LRRC2: variants seen among roughly 807,000 people sequenced by gnomAD.
The protein encoded by LRRC2 is leucine rich repeat containing 2.
A neutral mutation model predicts 40.2 loss-of-function variants in LRRC2; 27 were observed. The observed-to-expected ratio is 0.67, with a 90% CI of 0.49 to 0.93. LRRC2 has a LOEUF of 0.93. Among genes scored for constraint, LRRC2 ranks in the 40% least tolerant of loss-of-function variants. LRRC2 has a pLI of 0.00. For synonymous variants in LRRC2, 147 were observed against 158.9 expected (o/e 0.92, Z 0.56); for missense variants, 402 against 439.6 (o/e 0.91, Z 0.76).
rs1227105281 is a variant in LRRC2 at position 46,515,666 on chromosome 3, TC to T, written c.*3347del. 1 of 152,184 alleles carries T rather than the reference TC, an allele frequency of 6.6e-6. No homozygotes were observed. Among genetic ancestry groups the T allele is most frequent in the Non-Finnish European group, 1.5e-5 (1 of 68,030 alleles). 9.4% of individuals were successfully genotyped at this position (152,184 alleles called of 1,614,324 possible). A position where few individuals can be genotyped will look rare whatever the true frequency, so the allele number is the denominator to read the frequency against. On this transcript the variant is annotated 3_prime_UTR_variant, in exon 9 of 9. Transcript: ENST00000395905. ...ATTATATATCAATGCAGTATTTTTTTCATATGTGACAGTGAAACAAGGTTTT... is the reference window on the plus strand; with the variant it reads ...ATTATATATCAATGCAGTATTTTTTTATATGTGACAGTGAAACAAGGTTTT...
chr3:46,540,164 T>G (rs1704355217), intron 3 of LRRC2, among the ~76,000 whole-genome samples: 1 of 152,242 alleles, frequency 6.6e-6, no homozygotes, highest in South Asian at 2.1e-4. Flanking sequence ...CTCCTGTGTG[T>G]GGGTTAAGCT....
chr3:46,538,643 GA>G (rs1012622007), intron 4 of LRRC2, among the ~76,000 whole-genome samples: 5 of 149,134 alleles, frequency 3.4e-5, no homozygotes, highest in Admixed American at 6.6e-5. Flanking sequence ...TCAAGGAAAA[GA>G]AAAAAAAAGA....
At chr3:46,529,126 A>G (rs1168286862) in intron 6 of LRRC2, among the ~76,000 whole-genome samples, 1 of 152,156 alleles carries the variant, frequency 6.6e-6, no homozygotes, top group Non-Finnish European at 1.5e-5. Context: ...AAAAAAAAAA[A>G]AAAATTGTAG....
chr3:46,564,866 A>C (rs1705025213), intron 1 of LRRC2, among the ~76,000 whole-genome samples: 2 of 152,144 alleles, frequency 1.3e-5, no homozygotes, highest in Non-Finnish European at 2.9e-5. Context: ...CAAGAGAACC[A>C]CTGTAACCCA....
chr3:46,525,086 CTT>C (rs11284933), intron 7 of LRRC2, among the ~76,000 whole-genome samples: 74 of 117,570 alleles, frequency 6.3e-4, no homozygotes, highest in East Asian at 1.2e-3. Context: ...CTTTTTTTTT[CTT>C]TTTTTTTTTT....
intron 6 of LRRC2, among the ~76,000 whole-genome samples, chr3:46,527,947 T>G (rs1385628091): frequency 3.3e-5 from 5 of 152,140 alleles, no homozygotes; most frequent in Non-Finnish European, 5.9e-5. Context: ...CAGGCTGGTC[T>G]TGAACTCCTG....
chr3:46,551,808 G>A lies in LRRC2; in HGVS notation c.-19-198C>T, dbSNP rs1260171915. On this transcript the variant is annotated intron_variant, in intron 1 of 8. Coordinates refer to ENST00000395905, the MANE Select transcript of LRRC2 (RefSeq NM_024512.5). ...TGGCTGGTTGGGTTTTGTTTGTCTT[G>A]TTTTTATTGAGACAGAGTCTCACTC... 1.6e-4 allele frequency among the ~76,000 whole-genome samples: 7 copies of A among 43,134 alleles called. No individual in the cohort carries two copies. The East Asian group carries it at 5.5e-3, about 34-fold the overall frequency. 28.3% of individuals were successfully genotyped at this position (43,134 alleles called of 152,430 possible). A position where few individuals can be genotyped will look rare whatever the true frequency, so the allele number is the denominator to read the frequency against.
intron 4 of LRRC2, among the ~76,000 whole-genome samples, chr3:46,538,339 T>C (rs891182398): frequency 6.6e-6 from 1 of 152,048 alleles, no homozygotes; most frequent in African/African-American, 2.4e-5. Flanking sequence ...TTTTGATCCA[T>C]CAAAAAGACA....
At chr3:46,557,123 G>T (rs1381409736) in intron 1 of LRRC2, among the ~76,000 whole-genome samples, 1 of 152,216 alleles carries the variant, frequency 6.6e-6, no homozygotes, top group Non-Finnish European at 1.5e-5. Flanking sequence ...ATGGCCTGAA[G>T]TAACTGAAGA....
At chr3:46,554,521 T>C (rs561413340) in intron 1 of LRRC2, among the ~76,000 whole-genome samples, 2 of 152,014 alleles carry the variant, frequency 1.3e-5, no homozygotes, top group South Asian at 4.2e-4. Context: ...GGTGCACACC[T>C]GTAGTCCCAG....
intron 1 of LRRC2, among the ~76,000 whole-genome samples, chr3:46,563,188 C>T (rs1704984327): frequency 6.6e-6 from 1 of 152,182 alleles, no homozygotes; most frequent in East Asian, 1.9e-4. Flanking sequence ...AGTGTCACGC[C>T]TTGCCTCAGT....
chr3:46,552,742 C>A (rs1164368711), intron 1 of LRRC2, among the ~76,000 whole-genome samples: 2 of 152,178 alleles, frequency 1.3e-5, no homozygotes, highest in Admixed American at 6.5e-5. Flanking sequence ...TGGCACTGAG[C>A]CCCACTGAGC....
At chr3:46,547,372 C>T (rs1704548228) in intron 2 of LRRC2, among the ~76,000 whole-genome samples, 2 of 151,842 alleles carry the variant, frequency 1.3e-5, no homozygotes, top group Non-Finnish European at 2.9e-5. Context: ...AGTAATATAA[C>T]AAAAGTGATA....
At chr3:46,519,862 GA>G (rs1342357652) in intron 8 of LRRC2, among the ~76,000 whole-genome samples, 1 of 152,042 alleles carries the variant, frequency 6.6e-6, no homozygotes, top group Non-Finnish European at 1.5e-5. Context: ...CCATGATAAA[GA>G]AAAGAAAACG....
intron 8 of LRRC2, among the ~76,000 whole-genome samples, chr3:46,521,238 C>T (rs1463079868): frequency 6.6e-6 from 1 of 152,180 alleles, no homozygotes; most frequent in African/African-American, 2.4e-5. Context: ...TAAAAACTCA[C>T]GTATGGTTAG....
In LRRC2 at chr3:46,527,545, GTT is replaced by G; in HGVS notation, c.808_809del (p.Asn270GlnfsTer34). On this transcript the variant is annotated frameshift_variant, in exon 7 of 9. Transcript: ENST00000395905. LOFTEE classifies it high-confidence loss of function. The stretch of plus-strand genomic sequence containing the variant: ...TGGAATAGGGAAGGTAGGTCAACTT[GTT>G]TTTATACAAGAGAAAGCTCTGCAGC... ...EELQSFLLYK[N>X]KLTYLPYSML... The G allele has an allele frequency of 1.2e-6, 2 of 1,613,976 alleles. No individual in the cohort carries two copies. Among genetic ancestry groups the G allele is most frequent in the African/African-American group, 1.3e-5 (1 of 75,030 alleles).
intron 1 of LRRC2, among the ~76,000 whole-genome samples, chr3:46,555,887 T>C (rs191640553): frequency 6.6e-6 from 1 of 152,228 alleles, no homozygotes; most frequent in Non-Finnish European, 1.5e-5. Context: ...TATACTGACA[T>C]ATTCTGGTTT....
At chr3:46,525,279 C>G (rs1325396749) in intron 7 of LRRC2, among the ~76,000 whole-genome samples, 1 of 148,920 alleles carries the variant, frequency 6.7e-6, no homozygotes, top group Non-Finnish European at 1.5e-5. Context: ...TAGACAGGGT[C>G]TTGCTGTGTT....
intron 1 of LRRC2, among the ~76,000 whole-genome samples, chr3:46,565,003 G>A (rs1490882742): frequency 2.6e-5 from 4 of 152,336 alleles, no homozygotes; most frequent in Non-Finnish European, 4.4e-5. Context: ...TGGAATGAAC[G>A]CAGTGAGTTT....
Sources: gnomAD v4.1 joint callset for allele counts (sites outside exome capture counted in the v4.1 genomes callset) on GRCh38, gnomAD v4.1.1 for gene constraint, MANE v1.5 for transcripts, NCBI Gene and HGNC (gene_info 2026-07-23, HGNC 2026-07-21) for gene names.